The following GNG7 variants were observed in gnomAD, a reference collection of about 807,000 sequenced individuals.
GNG7 encodes G protein subunit gamma 7, also known as guanine nucleotide-binding protein G(I)/G(S)/G(O) subunit gamma-7.
GNG7 carries 1 observed loss-of-function variant against 4.0 expected under a neutral mutation model. The observed-to-expected ratio is 0.25, with a 90% CI of 0.09 to 1.18. The LOEUF (loss-of-function observed/expected upper bound fraction) is 1.18, where lower values mean the gene tolerates loss of function less well. Ranked by LOEUF, GNG7 falls within the 50% of genes most tolerant of loss-of-function variation. GNG7 has a pLI of 0.50. For synonymous variants in GNG7, 34 were observed against 36.9 expected, an observed-to-expected ratio of 0.92 and a Z score of 0.29; for missense variants, 86 against 91.9, an observed-to-expected ratio of 0.94 and a Z score of 0.26.
chr19:2,538,111 T>C (rs1445525697), intron 3 of GNG7: 1 of 399,516 alleles, frequency 2.5e-6, no homozygotes, highest in Non-Finnish European at 4.9e-6. Flanking sequence ...AAAACAACAA[T>C]GAATGGAGAG....
chr19:2,545,822 G>T (rs1356542936), intron 3 of GNG7, among the ~76,000 whole-genome samples: 2 of 151,646 alleles, frequency 1.3e-5, no homozygotes, highest in African/African-American at 2.4e-5. Flanking sequence ...CGTGAGTGGT[G>T]GTGGGCACCT....
chr19:2,593,972 C>G (rs1254425283), intron 2 of GNG7, among the ~76,000 whole-genome samples: 1 of 150,432 alleles, frequency 6.6e-6, no homozygotes, highest in Non-Finnish European at 1.5e-5. Context: ...CCCAAACCTT[C>G]TCAAATCTGG....
At chr19:2,547,450 GTCTC>G in intron 3 of GNG7, among the ~76,000 whole-genome samples, 1 of 152,122 alleles carries the variant, frequency 6.6e-6, no homozygotes, top group African/African-American at 2.4e-5. Context: ...AGCCTCTTCA[GTCTC>G]TCTCTGACTC....
chr19:2,608,211 C>T (rs1325997787), intron 2 of GNG7, among the ~76,000 whole-genome samples: 1 of 151,684 alleles, frequency 6.6e-6, no homozygotes, highest in Non-Finnish European at 1.5e-5. Context: ...GGTGGCGAAG[C>T]GTGGGTGGAG....
chr19:2,549,058 C>T (rs1031912691), intron 3 of GNG7, among the ~76,000 whole-genome samples: 4 of 150,892 alleles, frequency 2.7e-5, no homozygotes, highest in Non-Finnish European at 4.4e-5. Flanking sequence ...ACTGCAAACC[C>T]GAGGGACCCC....
intron 1 of GNG7, among the ~76,000 whole-genome samples, chr19:2,697,604 G>A (rs988982344): frequency 2.6e-5 from 4 of 152,212 alleles, no homozygotes; most frequent in East Asian, 3.8e-4. Context: ...AAATGTCAAC[G>A]AGCGGGGAGA....
At chr19:2,666,156 A>G (rs1246076762) in intron 1 of GNG7, among the ~76,000 whole-genome samples, 1 of 148,218 alleles carries the variant, frequency 6.7e-6, no homozygotes, top group Non-Finnish European at 1.5e-5. Flanking sequence ...TTATGTTTTA[A>G]TTTTTATTGT....
At chr19:2,568,238 TACAC>T (rs1475507573) in intron 2 of GNG7, among the ~76,000 whole-genome samples, 2 of 145,844 alleles carry the variant, frequency 1.4e-5, no homozygotes, top group Non-Finnish European at 3.0e-5. Flanking sequence ...CACGTGCACA[TACAC>T]ACATATAGAC....
chr19:2,697,512 T>C (rs566921237), intron 1 of GNG7, among the ~76,000 whole-genome samples: 2 of 152,168 alleles, frequency 1.3e-5, no homozygotes, highest in African/African-American at 4.8e-5. Context: ...ACGTAAACCA[T>C]GAACACTTTT....
At position 2,613,013 on chromosome 19, in the gene GNG7, G is replaced by A. The variant is rs559978863; in HGVS notation, c.-78+33211C>T. 2.6e-4 allele frequency among the ~76,000 whole-genome samples: 40 copies of A among 152,194 alleles called. No individual in the cohort carries two copies. The South Asian group carries it at 5.6e-3, about 21-fold the overall frequency. ...GGCCAACGTCGGACATTTTTAGAGC[G>A]GAGGAGGTAGCCTAGGAGGGCAAAT... On this transcript the variant is annotated intron_variant, in intron 2 of 4. Coordinates refer to ENST00000382159, the MANE Select transcript of GNG7 (RefSeq NM_052847.3).
chr19:2,602,111 C>T (rs916937547), intron 2 of GNG7, among the ~76,000 whole-genome samples: 1 of 151,798 alleles, frequency 6.6e-6, no homozygotes, highest in African/African-American at 2.4e-5. Flanking sequence ...CCGAGATGGG[C>T]AGGTCACCTG....
chr19:2,516,232 A>G (rs769692472), intron 4 of GNG7, among the ~76,000 whole-genome samples: 1 of 151,986 alleles, frequency 6.6e-6, no homozygotes, highest in Non-Finnish European at 1.5e-5. Flanking sequence ...AGATAAATAA[A>G]CAAATAAATA....
intron 3 of GNG7, among the ~76,000 whole-genome samples, chr19:2,549,205 C>G (rs1979234276): frequency 6.6e-6 from 1 of 152,050 alleles, no homozygotes; most frequent in African/African-American, 2.4e-5. Context: ...GGCAAGAAGG[C>G]AAGTCCAGGA....
rs565390638 is a variant in GNG7, at chr19:2,565,283, G to A, written c.-77-10095C>T. On this transcript the variant is annotated intron_variant, in intron 2 of 4. Transcript: ENST00000382159. ...TCCCAGCACTTTGGGAGGCCGAGGC[G>A]GGTGGATCATGAGGTCAGGAGATCG... 9.9e-5 allele frequency among the ~76,000 whole-genome samples: 15 copies of A among 152,044 alleles called. No individual in the cohort carries two copies. The South Asian group carries it at 1.9e-3, about 19-fold the overall frequency.
intron 3 of GNG7, among the ~76,000 whole-genome samples, chr19:2,521,862 C>A (rs140538152): frequency 1.3e-5 from 2 of 152,258 alleles, no homozygotes; most frequent in African/African-American, 4.8e-5. Context: ...GATCCACCCT[C>A]CTCGGCCTCT....
At chr19:2,537,933 C>T (rs374155840) in intron 3 of GNG7, among the ~76,000 whole-genome samples, 22 of 152,154 alleles carry the variant, frequency 1.4e-4, no homozygotes, top group Middle Eastern at 3.4e-3. Context: ...AAACATCAGC[C>T]GGATGTGGTG....
chr19:2,607,707 C>A (rs1342208897), intron 2 of GNG7, among the ~76,000 whole-genome samples: 1 of 152,166 alleles, frequency 6.6e-6, no homozygotes, highest in Admixed American at 6.5e-5. Flanking sequence ...CCCATGTAGG[C>A]TCAGCCTGGC....
chr19:2,628,848 G>A (rs182059593), intron 2 of GNG7, among the ~76,000 whole-genome samples: 73 of 152,198 alleles, frequency 4.8e-4, no homozygotes, highest in Non-Finnish European at 8.4e-4. Context: ...AATCTTCGTC[G>A]CATCTGCAAA....
At chr19:2,693,684 G>A (rs1913184102) in intron 1 of GNG7, among the ~76,000 whole-genome samples, 1 of 152,094 alleles carries the variant, frequency 6.6e-6, no homozygotes, top group South Asian at 2.1e-4. Context: ...CCCACTCCAT[G>A]CCAGGAGCAG....
Sources: allele counts gnomAD v4.1 joint callset (sites outside exome capture counted in the v4.1 genomes callset), GRCh38; gene constraint gnomAD v4.1.1; transcripts MANE v1.5; gene names NCBI Gene and HGNC (gene_info 2026-07-23, HGNC 2026-07-21).